DLG2: variants seen among roughly 807,000 people sequenced by gnomAD.
DLG2 encodes disks large homolog 2.
Under a neutral mutation model 132.5 loss-of-function variants are expected in DLG2, and 45 were observed. The observed-to-expected ratio is 0.34, with a 90% CI of 0.27 to 0.44. The LOEUF (loss-of-function observed/expected upper bound fraction) is 0.44. DLG2 is among the 20% of genes least tolerant of loss of function. DLG2 has a pLI of 1.00. For synonymous variants in DLG2, 424 were observed against 419.6 expected, an observed-to-expected ratio of 1.01 and a Z score of -0.13; for missense variants, 1,045 against 1,196.9, an observed-to-expected ratio of 0.87 and a Z score of 1.87.
chr11:84,661,654 C>G (rs1418505327), intron 6 of DLG2, among the ~76,000 whole-genome samples: 1 of 152,104 alleles, frequency 6.6e-6, no homozygotes, highest in Non-Finnish European at 1.5e-5. Flanking sequence ...TGATCTGTCT[C>G]TTTGAGTTCC....
chr11:83,541,346 G>A (rs939128389), intron 20 of DLG2, among the ~76,000 whole-genome samples: 2 of 152,074 alleles, frequency 1.3e-5, no homozygotes, highest in African/African-American at 4.8e-5. Context: ...TGAAACTCTG[G>A]AAATAAATGG....
intron 18 of DLG2, among the ~76,000 whole-genome samples, chr11:83,689,966 A>G (rs948996373): frequency 8.0e-6 from 1 of 125,154 alleles, no homozygotes; most frequent in African/African-American, 3.1e-5. Flanking sequence ...TATATAATAT[A>G]TATTTATATT....
intron 5 of DLG2, among the ~76,000 whole-genome samples, chr11:85,122,528 C>T (rs746575327): frequency 1.3e-5 from 2 of 152,058 alleles, no homozygotes; most frequent in Non-Finnish European, 2.9e-5. Context: ...GATACAACAT[C>T]GAGGGCCATG....
rs1224268973 is a variant in DLG2, at chr11:84,434,898, G to A, written c.519+99672C>T. ...TCAGGTTGTTTTATTAGAGTGTGAA[G>A]AAATAAACTGTCACCTACTGAAAAA... is the stretch of plus-strand genomic sequence containing the variant. On this transcript the variant is annotated intron_variant, in intron 7 of 27. Coordinates refer to ENST00000376104, the MANE Select transcript of DLG2 (RefSeq NM_001142699.3). Among the ~76,000 whole-genome samples the A allele has an allele frequency of 6.7e-4, 49 of 73,160 alleles. 2 individuals are homozygous for A. In the South Asian group the frequency reaches 0.016, roughly 24 times the overall value. The allele number at this position is 73,160 out of a possible 152,430, so 48.0% of individuals were successfully genotyped here.
intron 6 of DLG2, among the ~76,000 whole-genome samples, chr11:84,674,068 C>T (rs773081191): frequency 6.6e-6 from 1 of 152,102 alleles, no homozygotes; most frequent in Non-Finnish European, 1.5e-5. Context: ...CTTAGAAAAA[C>T]TTTTCTAGAA....
At chr11:85,153,092 T>C (rs1272499380) in intron 5 of DLG2, among the ~76,000 whole-genome samples, 1 of 152,204 alleles carries the variant, frequency 6.6e-6, no homozygotes, top group Non-Finnish European at 1.5e-5. Flanking sequence ...CCTCTTTATA[T>C]TACTATAGTA....
In DLG2 at chr11:84,053,416, C is replaced by A. The variant is rs149602867; in HGVS notation, c.919+5899G>T. On this transcript the variant is annotated intron_variant, in intron 11 of 27. Transcript: ENST00000376104. ...CAAACCTGCACATCCTGCACATATA[C>A]CTCTGAACTTAAATTAAAAGTTGAA... Among the ~76,000 whole-genome samples the A allele has an allele frequency of 1.3e-4, 19 of 151,964 alleles. No individual in the cohort carries two copies. In the East Asian group the frequency reaches 3.3e-3, roughly 26 times the overall value.
intron 7 of DLG2, among the ~76,000 whole-genome samples, chr11:84,455,986 G>T (rs542672463): frequency 6.6e-5 from 10 of 151,354 alleles, no homozygotes; most frequent in Admixed American, 5.9e-4. Flanking sequence ...AAGGTTGTGT[G>T]TAAGACCTAA....
At chr11:84,962,683 T>A (rs2052748513) in intron 6 of DLG2, among the ~76,000 whole-genome samples, 2 of 152,166 alleles carry the variant, frequency 1.3e-5, no homozygotes, top group Non-Finnish European at 2.9e-5. Context: ...TCTCCTCTAA[T>A]CCACAGAATT....
intron 7 of DLG2, among the ~76,000 whole-genome samples, chr11:84,530,813 C>T (rs2099336300): frequency 6.6e-6 from 1 of 152,208 alleles, no homozygotes; most frequent in African/African-American, 2.4e-5. Context: ...GCCGTTAAGA[C>T]ACACGCAAAG....
chr11:84,458,756 A>G (rs1053149098), intron 7 of DLG2, among the ~76,000 whole-genome samples: 2 of 150,712 alleles, frequency 1.3e-5, no homozygotes, highest in Non-Finnish European at 3.0e-5. Flanking sequence ...CTTCAAAGCC[A>G]AGATCAGTTA....
chr11:84,973,888 T>C (rs1028365909), intron 6 of DLG2, among the ~76,000 whole-genome samples: 3 of 152,192 alleles, frequency 2.0e-5, no homozygotes, highest in African/African-American at 4.8e-5. Context: ...TCATGAAATA[T>C]CCTATTTTGT....
intron 18 of DLG2, among the ~76,000 whole-genome samples, chr11:83,731,063 G>A (rs1041779329): frequency 1.3e-5 from 2 of 152,174 alleles, no homozygotes; most frequent in African/African-American, 4.8e-5. Flanking sequence ...TCGGCATTAA[G>A]TCCTGGTTCT....
intron 6 of DLG2, among the ~76,000 whole-genome samples, chr11:84,656,683 A>G (rs1339014337): frequency 6.6e-6 from 1 of 152,142 alleles, no homozygotes; most frequent in Admixed American, 6.6e-5. Flanking sequence ...TCACAGTTCA[A>G]ATCTCCATCC....
rs576914246 is a variant in DLG2, at chr11:83,806,229, T to G, written c.1723-19437A>C. Among the ~76,000 whole-genome samples the G allele has an allele frequency of 1.8e-4, 27 of 152,242 alleles. No individual in the cohort carries two copies. The South Asian group carries it at 2.5e-3, about 14-fold the overall frequency. On this transcript the variant is annotated intron_variant, in intron 17 of 27. Coordinates refer to ENST00000376104, the MANE Select transcript of DLG2 (RefSeq NM_001142699.3). The stretch of plus-strand genomic sequence containing the variant: ...AGCATTACATGAATTTTGGTCCTTC[T>G]TTACTCTTTTATTATTATTTTTCAG...
At chr11:84,611,005 C>T (rs2099594434) in intron 6 of DLG2, among the ~76,000 whole-genome samples, 1 of 146,602 alleles carries the variant, frequency 6.8e-6, no homozygotes, top group South Asian at 2.2e-4. Context: ...ATATGTGTAC[C>T]ACTGTCTGTT....
chr11:84,779,041 G>A (rs964097730), intron 6 of DLG2, among the ~76,000 whole-genome samples: 4 of 152,092 alleles, frequency 2.6e-5, no homozygotes, highest in Non-Finnish European at 5.9e-5. Context: ...CTGCACTGTC[G>A]GCTTCCCTAC....
At chr11:84,019,875 C>T (rs1247248255) in intron 11 of DLG2, among the ~76,000 whole-genome samples, 1 of 152,150 alleles carries the variant, frequency 6.6e-6, no homozygotes, top group Non-Finnish European at 1.5e-5. Context: ...CGATCTCAGA[C>T]TTGTACCCTC....
At chr11:84,263,837 T>C (rs1181353720) in intron 7 of DLG2, among the ~76,000 whole-genome samples, 1 of 152,218 alleles carries the variant, frequency 6.6e-6, no homozygotes, top group Non-Finnish European at 1.5e-5. Flanking sequence ...GTATGAGTTT[T>C]AGTTTGCTGT....
Sources: allele counts gnomAD v4.1 joint callset (sites outside exome capture counted in the v4.1 genomes callset), GRCh38; gene constraint gnomAD v4.1.1; transcripts MANE v1.5; gene names NCBI Gene and HGNC (gene_info 2026-07-23, HGNC 2026-07-21).